TTC6: variants seen among roughly 807,000 people sequenced by gnomAD.
TTC6 encodes the protein tetratricopeptide repeat protein 6.
A neutral mutation model predicts 210.4 loss-of-function variants in TTC6; 172 were observed. That is an observed-to-expected ratio of 0.82 (90% CI 0.72 to 0.93). The LOEUF (loss-of-function observed/expected upper bound fraction) is 0.93. TTC6 is among the 40% of genes least tolerant of loss of function. TTC6 has a pLI of 0.00. For missense variants in TTC6, 2,414 were observed against 2,318.1 expected (o/e 1.04, Z -0.85); for synonymous variants, 804 against 819.6 (o/e 0.98, Z 0.32).
intron 2 of TTC6, among the ~76,000 whole-genome samples, chr14:37,609,850 T>C (rs1414988399): frequency 6.6e-6 from 1 of 152,214 alleles, no homozygotes; most frequent in Non-Finnish European, 1.5e-5. Context: ...AATTTACTCC[T>C]GGCCTGAAGC....
At chr14:37,766,155 C>T (rs1411974265) in intron 14 of TTC6, among the ~76,000 whole-genome samples, 1 of 152,100 alleles carries the variant, frequency 6.6e-6, no homozygotes, top group Non-Finnish European at 1.5e-5. Flanking sequence ...TATTTCTGCT[C>T]CTTTCTTTTT....
chr14:37,642,028 G>C (rs1027208922), intron 1 of TTC6, among the ~76,000 whole-genome samples: 6 of 152,190 alleles, frequency 3.9e-5, no homozygotes, highest in African/African-American at 7.2e-5. Flanking sequence ...TGCTTTCTCT[G>C]TTTTACTCCA....
chr14:37,622,255 G>A (rs552758844), exon 1 of TTC6: 11 of 1,535,032 alleles, frequency 7.2e-6, no homozygotes, highest in Non-Finnish European at 9.6e-6. Flanking sequence ...CGCCCCGCGC[G>A]CGTTTCCTGC....
chr14:37,764,156 T>A (rs2095992117), intron 14 of TTC6, among the ~76,000 whole-genome samples: 1 of 152,146 alleles, frequency 6.6e-6, no homozygotes, highest in African/African-American at 2.4e-5. Flanking sequence ...GTATGATCCA[T>A]CTTTAAAATT....
chr14:37,749,826 A>C (rs1053340927), exon 12 of TTC6: 162 of 1,401,442 alleles, frequency 1.2e-4, no homozygotes, highest in Non-Finnish European at 1.4e-4. Flanking sequence ...ATACATAAAT[A>C]TAATAAAAAT....
chr14:37,676,247 C>T (rs1168709425), intron 1 of TTC6, among the ~76,000 whole-genome samples: 1 of 152,062 alleles, frequency 6.6e-6, no homozygotes, highest in East Asian at 1.9e-4. Context: ...AGGACACTTA[C>T]AACTGGTAGG....
intron 29 of TTC6, among the ~76,000 whole-genome samples, chr14:37,838,933 T>G (rs2096204019): frequency 6.6e-6 from 1 of 152,226 alleles, no homozygotes; most frequent in Non-Finnish European, 1.5e-5. Context: ...GTTACTTTGC[T>G]GAGAATGATG....
At chr14:37,708,166 A>G (rs1022769645) in intron 5 of TTC6, among the ~76,000 whole-genome samples, 1 of 151,984 alleles carries the variant, frequency 6.6e-6, no homozygotes, top group African/African-American at 2.4e-5. Flanking sequence ...CTTTGAGGAT[A>G]TATATCTATA....
chr14:37,736,774 A>C (rs760417854), intron 8 of TTC6, among the ~76,000 whole-genome samples: 47 of 152,156 alleles, frequency 3.1e-4, no homozygotes, highest in Admixed American at 1.8e-3. Context: ...TTTCTTTTTG[A>C]GACAAAATCT....
At chr14:37,841,559 T>G (rs779133662) in exon 30 of TTC6, 2 of 1,607,202 alleles carry the variant, frequency 1.2e-6, no homozygotes. Flanking sequence ...AAAAGAAGAT[T>G]TTGCAAATGT....
At chr14:37,607,617 CTT>C (rs71433907) in intron 2 of TTC6, among the ~76,000 whole-genome samples, 26 of 140,224 alleles carry the variant, frequency 1.9e-4, no homozygotes, top group East Asian at 4.2e-4. Context: ...AGTATTTAGT[CTT>C]TTTTTTTTTT....
At chr14:37,615,636 C>A (rs2139270140) in intron 2 of TTC6, among the ~76,000 whole-genome samples, 1 of 152,006 alleles carries the variant, frequency 6.6e-6, no homozygotes, top group East Asian at 1.9e-4. Context: ...CCAAGATTTT[C>A]TTTTTATTAA....
At chr14:37,622,832 C>T (rs1054953510) in exon 1 of TTC6, 10 of 1,533,916 alleles carry the variant, frequency 6.5e-6, no homozygotes, top group Non-Finnish European at 7.9e-6. Flanking sequence ...GCTGGCCGCC[C>T]AGCGACGCGC....
intron 10 of TTC6, among the ~76,000 whole-genome samples, chr14:37,741,847 G>A (rs911169444): frequency 2.6e-5 from 4 of 152,062 alleles, no homozygotes; most frequent in Non-Finnish European, 5.9e-5. Context: ...CCTCAGCTAG[G>A]TCATGGTAGG....
intron 14 of TTC6, among the ~76,000 whole-genome samples, chr14:37,779,791 A>G (rs773042547): frequency 6.6e-6 from 1 of 152,144 alleles, no homozygotes; most frequent in South Asian, 2.1e-4. Context: ...GTTGGAGGAG[A>G]ACAAAAAGGT....
chr14:37,840,097 A>G (rs2096206632), intron 29 of TTC6, among the ~76,000 whole-genome samples: 1 of 151,978 alleles, frequency 6.6e-6, no homozygotes, highest in Non-Finnish European at 1.5e-5. Flanking sequence ...AGCTAGCCAG[A>G]CTAATAAACA....
chr14:37,821,008 TTCTTCTTCTTCTTCC>T (rs1267524986), intron 26 of TTC6, among the ~76,000 whole-genome samples: 1 of 63,486 alleles, frequency 1.6e-5, no homozygotes, highest in Non-Finnish European at 3.7e-5. Context: ...CCTCTTGCTC[TTCTTCTTCTTCTTCC>T]TCTTCTTCTT....
At chr14:37,634,483 G>A (rs1422319021) in intron 1 of TTC6, among the ~76,000 whole-genome samples, 1 of 152,174 alleles carries the variant, frequency 6.6e-6, no homozygotes, top group African/African-American at 2.4e-5. Context: ...TTACGGACCT[G>A]TGGGACTAAA....
intron 1 of TTC6, among the ~76,000 whole-genome samples, chr14:37,636,427 C>T (rs2095680882): frequency 6.6e-6 from 1 of 152,154 alleles, no homozygotes; most frequent in Non-Finnish European, 1.5e-5. Flanking sequence ...ACTGTATTCT[C>T]TGACCCTATG....
Sources: gnomAD v4.1 joint callset for allele counts (sites outside exome capture counted in the v4.1 genomes callset) on GRCh38, gnomAD v4.1.1 for gene constraint, MANE v1.5 for transcripts, NCBI Gene and HGNC (gene_info 2026-07-23, HGNC 2026-07-21) for gene names.